MORN3: variants seen among roughly 807,000 people sequenced by gnomAD.
MORN3 encodes the protein MORN repeat containing 3, also known as MORN repeat-containing protein 3.
Under a neutral mutation model 34.7 loss-of-function variants are expected in MORN3, and 38 were observed. The observed-to-expected ratio is 1.10, with a 90% CI of 0.85 to 1.44. The LOEUF is 1.44. MORN3 is among the 40% of genes most tolerant of loss of function. MORN3 has a pLI of 0.00. For missense variants in MORN3, 311 were observed against 321.7 expected (o/e 0.97, Z 0.25); for synonymous variants, 109 against 115.3 (o/e 0.95, Z 0.35).
chr12:121,653,835 T>C (rs1187918601), intron 3 of MORN3, among the ~76,000 whole-genome samples: 3 of 152,098 alleles, frequency 2.0e-5, no homozygotes, highest in Non-Finnish European at 4.4e-5. Context: ...TATAAGTTCA[T>C]ATAACATAAG....
intron 2 of MORN3, 128 bp from the exon 3 acceptor site, chr12:121,654,561 C>T (rs1213728685): frequency 7.8e-6 from 8 of 1,021,252 alleles, no homozygotes; most frequent in Admixed American, 3.0e-5. Flanking sequence ...TACGTCCAAG[C>T]GGAGGGTCGT....
At chr12:121,667,122 G>A (rs902025747) in intron 1 of MORN3, among the ~76,000 whole-genome samples, 3 of 151,270 alleles carry the variant, frequency 2.0e-5, no homozygotes, top group Non-Finnish European at 4.4e-5. Flanking sequence ...CATCATGTCT[G>A]GTCTAATTTT....
At chr12:121,666,987 C>T (rs11043316) in intron 1 of MORN3, among the ~76,000 whole-genome samples, 13 of 110,474 alleles carry the variant, frequency 1.2e-4, no homozygotes, top group Admixed American at 6.3e-4. Context: ...GATGGAGATT[C>T]GTTCTTGGAA....
At chr12:121,654,799 T>C (rs1341272740) in intron 2 of MORN3, among the ~76,000 whole-genome samples, 4 of 151,252 alleles carry the variant, frequency 2.6e-5, no homozygotes, top group African/African-American at 4.9e-5. Context: ...GGTTTCACCA[T>C]GTTGGCCAGG....
At chr12:121,664,853 T>A (rs1347287345) in intron 1 of MORN3, among the ~76,000 whole-genome samples, 1 of 148,860 alleles carries the variant, frequency 6.7e-6, no homozygotes, top group African/African-American at 2.5e-5. Context: ...TTTTTTTTTT[T>A]TTTTTGTAGC....
At chr12:121,671,362 C>A (rs1441870089), upstream of MORN3, among the ~76,000 whole-genome samples, 3 of 148,512 alleles carry the variant, frequency 2.0e-5, no homozygotes, top group African/African-American at 7.5e-5. Flanking sequence ...GCCGAGATCG[C>A]GCCACTGCAC....
At chr12:121,670,165 G>A (rs953538671), upstream of MORN3, among the ~76,000 whole-genome samples, 3 of 151,988 alleles carry the variant, frequency 2.0e-5, no homozygotes, top group Non-Finnish European at 2.9e-5. Context: ...ATGAGCCACT[G>A]AGCCAAATAT....
rs782256107 is a variant in MORN3 at position 121,652,763 on chromosome 12, T to C, written c.694A>G (p.Met232Val). Residue 232 changes from methionine to valine, a missense_variant, in exon 5 of 6, where the codon ATG becomes GTG. Physicochemically the swap from Met to Val is conservative, Grantham distance 21. Transcript: ENST00000355329. Reference protein sequence around the residue: ...PDGVLAEALAMFRKTEEGD With the variant: ...PDGVLAEALAVFRKTEEGD ...TCTCCTTCCTCTGTCTTCCTGAACATGGCCAAGGCCTCCGCCAGCACACCA... is the reference window on the plus strand; with the variant it reads ...TCTCCTTCCTCTGTCTTCCTGAACACGGCCAAGGCCTCCGCCAGCACACCA... The C allele has an allele frequency of 6.2e-7, 1 of 1,614,104 alleles. No individual in the cohort carries two copies. Among genetic ancestry groups the C allele is most frequent in the African/African-American group, 1.3e-5 (1 of 74,948 alleles).
In MORN3 at chr12:121,659,238, T is replaced by C. The variant is rs758778218; in HGVS notation, c.256A>G (p.Lys86Glu). 1.2e-6 allele frequency: 2 copies of C among 1,613,860 alleles called. No homozygotes were observed. The change falls in exon 2 of 6, where the codon AAG (lysine) becomes GAG (glutamate). Residue 86 changes from lysine to glutamate, a missense_variant. Coordinates refer to ENST00000355329, the MANE Select transcript of MORN3 (RefSeq NM_173855.5). ...CAGCCTGAGTAGACTCTCCTGCACT[T>C]TCCTGTCTGTTGGTCAGGAAGGCTG... The part of the protein sequence containing the change: ...TLSLPDQQTG[K>E]CRRVYSGWWK...
chr12:121,652,744 T>C lies in MORN3; in HGVS notation c.713A>G (p.Glu238Gly). ...ACCCCTCACCTGGCATCAATCTCCT[T>C]CCTCTGTCTTCCTGAACATGGCCAA... ...EALAMFRKTE[E>G]GD is the part of the protein sequence containing the mutation. Residue 238 changes from glutamate (E) to glycine (G), a missense_variant, in exon 5 of 6, where the codon GAA becomes GGA. Glu to Gly is a moderately conservative substitution (Grantham distance 98). Transcript: ENST00000355329. The C allele has an allele frequency of 6.2e-7, 1 of 1,614,158 alleles. No individual in the cohort carries two copies. The highest frequency in any genetic ancestry group is 8.5e-7 in the Non-Finnish European group (1 of 1,180,006).
At chr12:121,660,122 T>C (rs1893534357) in intron 1 of MORN3, among the ~76,000 whole-genome samples, 1 of 150,978 alleles carries the variant, frequency 6.6e-6, no homozygotes, top group Admixed American at 6.6e-5. Context: ...TAATCCCAGC[T>C]ACTCAGGAAG....
chr12:121,670,253 G>A (rs1307794551), upstream of MORN3, among the ~76,000 whole-genome samples: 1 of 152,016 alleles, frequency 6.6e-6, no homozygotes, highest in African/African-American at 2.4e-5. Flanking sequence ...ATAATTCCAG[G>A]CAAAGAAAAT....
chr12:121,654,267 C>T lies in MORN3; in HGVS notation c.463+7G>A. 2 of 1,544,070 alleles carry T rather than the reference C, an allele frequency of 1.3e-6. No individual in the cohort carries two copies. Among genetic ancestry groups the T allele is most frequent in the South Asian group, 2.4e-5 (2 of 83,392 alleles). On this transcript the variant is annotated splice_region_variant and intron_variant, in intron 3 of 5. Transcript: ENST00000355329. ...GTGGGCGGGGCCGGCGGGGGTGGGGCACTCACTCAGGCGCAGCATGCCCTC... is the reference window on the plus strand; with the variant it reads ...GTGGGCGGGGCCGGCGGGGGTGGGGTACTCACTCAGGCGCAGCATGCCCTC...
At chr12:121,659,500 A>G in intron 1 of MORN3, 152 bp from the exon 2 acceptor site, 1 of 671,046 alleles carries the variant, frequency 1.5e-6, no homozygotes, top group Non-Finnish European at 2.5e-6. Flanking sequence ...ACCCAGGAGA[A>G]GGCCAGGAAA....
chr12:121,663,771 T>A (rs1038803628), intron 1 of MORN3, among the ~76,000 whole-genome samples: 32 of 148,668 alleles, frequency 2.2e-4, no homozygotes, highest in African/African-American at 8.4e-4. Context: ...TTTTTTATTT[T>A]TTTTTTCCTC....
At chr12:121,654,579 C>A (rs1222630237) in intron 2 of MORN3, 146 bp from the exon 3 acceptor site, 3 of 846,618 alleles carry the variant, frequency 3.5e-6, no homozygotes, top group Non-Finnish European at 5.3e-6. Flanking sequence ...CGTGTCTTAG[C>A]GGAGTATCCT....
intron 1 of MORN3, among the ~76,000 whole-genome samples, chr12:121,663,960 T>C (rs1893665569): frequency 6.6e-6 from 1 of 151,978 alleles, no homozygotes. Flanking sequence ...AAGGTTTGGG[T>C]GGCTGACTCC....
chr12:121,669,339 C>T lies in MORN3; in HGVS notation c.145G>A (p.Gly49Arg), dbSNP rs755177018. The stretch of plus-strand genomic sequence containing the variant: ...CCGCCCGTCCCGGAGTCCCACTCAC[C>T]GTGTTTCACGTTGTCCTTCCACTCG... ...VGEWKDNVKH[G>R]KGTQVWKKKG... The change falls in exon 1 of 6, where the codon GGG becomes AGG. Residue 49 changes from glycine to arginine, a missense_variant and splice_region_variant. Coordinates refer to ENST00000355329, the MANE Select transcript of MORN3 (RefSeq NM_173855.5). 1.0e-4 allele frequency: 165 copies of T among 1,613,098 alleles called. No homozygotes were observed. The highest frequency in any genetic ancestry group is 1.3e-4 in the Non-Finnish European group (158 of 1,179,448).
chr12:121,658,053 C>A (rs1422936606), intron 2 of MORN3, among the ~76,000 whole-genome samples: 12 of 152,002 alleles, frequency 7.9e-5, no homozygotes, highest in African/African-American at 2.9e-4. Context: ...GGTTCACTGT[C>A]TTTCCCCCAC....
Sources: allele counts gnomAD v4.1 joint callset (sites outside exome capture counted in the v4.1 genomes callset), GRCh38; gene constraint gnomAD v4.1.1; transcripts MANE v1.5; gene names NCBI Gene and HGNC (gene_info 2026-07-23, HGNC 2026-07-21).